The following VPS36 variants were observed in gnomAD, a reference collection of about 807,000 sequenced individuals.
The protein encoded by VPS36 is vacuolar protein sorting 36 homolog.
VPS36 carries 31 observed loss-of-function variants against 63.5 expected under a neutral mutation model. The ratio of observed to expected loss-of-function variants is 0.49; its 90% CI spans 0.37 to 0.66. The LOEUF is 0.66. Ranked by LOEUF, VPS36 falls within the 30% of genes least tolerant of loss-of-function variation. VPS36 has a pLI of 0.00. For missense variants in VPS36, 338 were observed against 463.7 expected (o/e 0.73, Z 2.49); for synonymous variants, 138 against 157.2 (o/e 0.88, Z 0.91).
At chr13:52,417,171 A>C in intron 11 of VPS36, 30 bp from the exon 12 acceptor site, 1 of 1,598,092 alleles carries the variant, frequency 6.3e-7, no homozygotes, top group South Asian at 1.1e-5. Flanking sequence ...GAACAAAGCC[A>C]GGAATTATCT....
chr13:52,416,222 T>A, intron 12 of VPS36, 129 bp from the exon 13 acceptor site: 1 of 893,328 alleles, frequency 1.1e-6, no homozygotes, highest in Middle Eastern at 2.9e-4. Flanking sequence ...AATGTCCTAC[T>A]AAAATCCAAA....
chr13:52,425,950 T>C lies in VPS36; in HGVS notation c.756A>G (p.Ile252Met), dbSNP rs768035586. The C allele has an allele frequency of 1.9e-6, 3 of 1,613,346 alleles. No individual in the cohort carries two copies. The highest frequency in any genetic ancestry group is 1.7e-6 in the Non-Finnish European group (2 of 1,179,768). ...HMQLAKQLAG[I>M]LQVPLEERGG... is the part of the protein sequence containing the mutation. ...TTTTTACCTCTAAAGGCACCTGCAA[T>C]ATTCCAGCCAGTTGTTTGGCCAGCT... Residue 252 changes from isoleucine (I) to methionine (M), a missense_variant, in exon 9 of 14, where the codon ATA (isoleucine) becomes ATG (methionine). By Grantham distance (10) the Ile-to-Met change is conservative. Coordinates refer to ENST00000378060, the MANE Select transcript of VPS36 (RefSeq NM_016075.4).
intron 6 of VPS36, among the ~76,000 whole-genome samples, chr13:52,427,557 A>C (rs1958115217): frequency 6.6e-6 from 1 of 152,076 alleles, no homozygotes; most frequent in South Asian, 2.1e-4. Flanking sequence ...CGGTGAGCCG[A>C]GATCGCGCCA....
intron 6 of VPS36, among the ~76,000 whole-genome samples, chr13:52,427,627 A>G (rs941682836): frequency 2.0e-5 from 3 of 152,076 alleles, no homozygotes; most frequent in African/African-American, 7.2e-5. Context: ...AAAAAATTTA[A>G]ATTTTCTTGC....
At chr13:52,419,437 G>A (rs1958024083) in intron 10 of VPS36, among the ~76,000 whole-genome samples, 1 of 152,168 alleles carries the variant, frequency 6.6e-6, no homozygotes, top group Non-Finnish European at 1.5e-5. Flanking sequence ...AAATATTAGA[G>A]CTGAACAGTT....
chr13:52,430,832 T>C (rs1028890624), intron 6 of VPS36, among the ~76,000 whole-genome samples: 2 of 151,586 alleles, frequency 1.3e-5, no homozygotes, highest in Non-Finnish European at 2.9e-5. Context: ...ACAGCAAGTG[T>C]CTTTTAAGGG....
intron 6 of VPS36, chr13:52,429,226 T>C (rs1191442480): frequency 1.0e-6 from 1 of 984,090 alleles, no homozygotes; most frequent in Non-Finnish European, 1.2e-6. Context: ...CAGCATGATT[T>C]CTTACTTACT....
At chr13:52,434,686 T>C in intron 5 of VPS36, 107 bp downstream of exon 5, 1 of 1,026,930 alleles carries the variant, frequency 9.7e-7, no homozygotes, top group Non-Finnish European at 1.5e-6. Flanking sequence ...AGAATACCAT[T>C]GCAGTATTTT....
chr13:52,442,473 T>C (rs1566090163), intron 1 of VPS36, 28 bp from the exon 2 acceptor site: 1 of 1,588,308 alleles, frequency 6.3e-7, no homozygotes, highest in Non-Finnish European at 8.6e-7. Flanking sequence ...CACAAAATAT[T>C]AATAACATAT....
chr13:52,423,490 C>T, intron 10 of VPS36, 84 bp downstream of exon 10: 1 of 1,227,022 alleles, frequency 8.1e-7, no homozygotes, highest in Non-Finnish European at 1.2e-6. Context: ...TTGATATTCA[C>T]AACCCTTCCT....
chr13:52,430,048 A>T (rs528500746), intron 6 of VPS36, among the ~76,000 whole-genome samples: 1 of 152,322 alleles, frequency 6.6e-6, no homozygotes, highest in East Asian at 1.9e-4. Flanking sequence ...TGTTAAGAAG[A>T]TGATACAAGC....
At chr13:52,416,172 G>T in intron 12 of VPS36, 79 bp from the exon 13 acceptor site, 2 of 1,349,158 alleles carry the variant, frequency 1.5e-6, no homozygotes, top group Non-Finnish European at 2.1e-6. Flanking sequence ...TCTAATGGTA[G>T]GCAGAATGTA....
chr13:52,425,851 G>A, intron 9 of VPS36, 81 bp downstream of exon 9: 1 of 1,406,500 alleles, frequency 7.1e-7, no homozygotes, highest in Non-Finnish European at 9.4e-7. Flanking sequence ...CATGAAAATA[G>A]TTATGCTCTT....
chr13:52,426,725 C>T (rs967997347), intron 8 of VPS36, among the ~76,000 whole-genome samples: 2 of 151,994 alleles, frequency 1.3e-5, no homozygotes, highest in African/African-American at 4.8e-5. Flanking sequence ...CGTGGTGGCA[C>T]GTGCCTGTAG....
At chr13:52,433,529 G>T in intron 6 of VPS36, 133 bp downstream of exon 6, 2 of 677,142 alleles carry the variant, frequency 3.0e-6, no homozygotes, top group Non-Finnish European at 4.7e-6. Flanking sequence ...ACCTGTTAAA[G>T]AGAATAGGAG....
Position 52,436,351 on chromosome 13 carries a change from G to A in VPS36, c.290C>T (p.Pro97Leu). Reference protein sequence around the residue: ...HPAPPNKEPGPFQSSKNSYIK... With the variant: ...HPAPPNKEPGLFQSSKNSYIK... ...GTAGGAGTTCTTACTACTCTGGAAT[G>A]GGCCAGGTTCTTTGTTAGGAGGAGC... The change falls in exon 4 of 14, where the codon CCA (proline) becomes CTA (leucine). Residue 97 changes from proline (P) to leucine (L), a missense_variant. Physicochemically the swap from Pro to Leu is moderately conservative, Grantham distance 98 (BLOSUM62 -3). Transcript: ENST00000378060. 3 of 1,613,358 alleles carry A rather than the reference G, an allele frequency of 1.9e-6. No homozygotes were observed. The highest frequency in any genetic ancestry group is 2.5e-6 in the Non-Finnish European group (3 of 1,179,792).
chr13:52,450,338 C>T (rs1958389448), intron 1 of VPS36, 161 bp downstream of exon 1: 1 of 1,185,476 alleles, frequency 8.4e-7, no homozygotes, highest in Non-Finnish European at 1.0e-6. Flanking sequence ...CGGCGGGGAG[C>T]GCAAGAGCGC....
intron 10 of VPS36, among the ~76,000 whole-genome samples, chr13:52,422,552 C>A (rs536745945): frequency 6.6e-6 from 1 of 152,266 alleles, no homozygotes; most frequent in African/African-American, 2.4e-5. Flanking sequence ...TCTCCCTCCC[C>A]CTAGTCTCTA....
chr13:52,434,770 T>C, intron 5 of VPS36, 23 bp downstream of exon 5: 2 of 1,596,954 alleles, frequency 1.3e-6, no homozygotes, highest in African/African-American at 1.3e-5. Flanking sequence ...AAATACTGGA[T>C]TAGCAAATAG....
Sources: gnomAD v4.1 joint callset for allele counts (sites outside exome capture counted in the v4.1 genomes callset) on GRCh38, gnomAD v4.1.1 for gene constraint, MANE v1.5 for transcripts, NCBI Gene and HGNC (gene_info 2026-07-23, HGNC 2026-07-21) for gene names.